PACS1: variants seen among roughly 807,000 people sequenced by gnomAD.
PACS1 encodes PACS-1.
Under a neutral mutation model 115.0 loss-of-function variants are expected in PACS1, and 24 were observed. The ratio of observed to expected loss-of-function variants is 0.21; its 90% confidence interval spans 0.15 to 0.29. The LOEUF is 0.29. Ranked by LOEUF, PACS1 falls within the 10% of genes least tolerant of loss-of-function variation. The pLI, the probability that PACS1 is intolerant of heterozygous loss-of-function variation, is 1.00. For synonymous variants in PACS1, 453 were observed against 504.5 expected (o/e 0.90, Z 1.37); for missense variants, 838 against 1,251.2 (o/e 0.67, Z 4.98).
intron 2 of PACS1, among the ~76,000 whole-genome samples, chr11:66,197,150 C>T (rs1854668982): frequency 6.6e-6 from 1 of 152,070 alleles, no homozygotes; most frequent in African/African-American, 2.4e-5. Flanking sequence ...GGGTTTTTAA[C>T]TTTCTATTTT....
chr11:66,111,888 C>T (rs533684885), intron 1 of PACS1, among the ~76,000 whole-genome samples: 7 of 152,216 alleles, frequency 4.6e-5, no homozygotes, highest in African/African-American at 1.4e-4. Context: ...TCAAGTGATC[C>T]GCCTGCCTTG....
intron 1 of PACS1, among the ~76,000 whole-genome samples, chr11:66,128,226 G>A (rs922536484): frequency 1.1e-4 from 16 of 152,042 alleles, no homozygotes; most frequent in African/African-American, 3.9e-4. Context: ...GGTATTAATG[G>A]TATTAAGAAG....
intron 1 of PACS1, among the ~76,000 whole-genome samples, chr11:66,096,794 G>A (rs1213994341): frequency 2.0e-5 from 3 of 151,348 alleles, no homozygotes; most frequent in Admixed American, 6.6e-5. Flanking sequence ...TGAGCACCGC[G>A]CCCAGCCGCT....
At chr11:66,182,467 TG>T (rs1252855853) in intron 1 of PACS1, among the ~76,000 whole-genome samples, 1 of 151,946 alleles carries the variant, frequency 6.6e-6, no homozygotes, top group Non-Finnish European at 1.5e-5. Flanking sequence ...TTAGTTGCTT[TG>T]CTTTTTTTTT....
At chr11:66,224,828 C>T (rs564806544) in intron 10 of PACS1, among the ~76,000 whole-genome samples, 5 of 152,306 alleles carry the variant, frequency 3.3e-5, no homozygotes, top group East Asian at 1.9e-4. Flanking sequence ...CAGGTGTGCA[C>T]GCACCACCTC....
chr11:66,190,989 G>A (rs1281997390), intron 1 of PACS1, among the ~76,000 whole-genome samples: 1 of 152,212 alleles, frequency 6.6e-6, no homozygotes, highest in African/African-American at 2.4e-5. Context: ...GCTGTGACGA[G>A]TGGCCACAAA....
intron 1 of PACS1, among the ~76,000 whole-genome samples, chr11:66,177,181 C>T (rs1300855349): frequency 6.6e-6 from 1 of 152,144 alleles, no homozygotes; most frequent in Non-Finnish European, 1.5e-5. Context: ...AAAATACTTT[C>T]AGAAATGTTC....
At chr11:66,211,913 C>T (rs1172082221) in intron 4 of PACS1, among the ~76,000 whole-genome samples, 1 of 152,062 alleles carries the variant, frequency 6.6e-6, no homozygotes, top group Non-Finnish European at 1.5e-5. Flanking sequence ...CCTCGGTTTT[C>T]CTTACCTTTC....
Position 66,232,987 on chromosome 11 carries a change from C to T in PACS1, c.1759C>T (p.Arg587Trp), listed in dbSNP as rs1200328009. Residue 587 changes from arginine to tryptophan, a missense_variant, in exon 15 of 24, where the codon CGG becomes TGG. Arg to Trp is a moderately radical substitution (Grantham distance 101, BLOSUM62 -3). Transcript: ENST00000320580. ...TGTGGCTGAGCTGCTCCAGGACCAG[C>T]GGAAGCCTGTGGTGTGCACCTGCTC... ...QYVAELLQDQ[R>W]KPVVCTCSTV... 6.8e-6 allele frequency: 11 copies of T among 1,612,920 alleles called. No individual in the cohort carries two copies. The highest frequency in any genetic ancestry group is 1.1e-5 in the South Asian group (1 of 91,066).
chr11:66,133,114 A>G (rs991801842), intron 1 of PACS1, among the ~76,000 whole-genome samples: 2 of 152,204 alleles, frequency 1.3e-5, no homozygotes, highest in South Asian at 2.1e-4. Context: ...TGTGCAATCT[A>G]TCAGCAAGTT....
At position 66,233,641 on chromosome 11, in the gene PACS1, G is replaced by A. The variant is rs751451805; in HGVS notation, c.1839-144G>A. ...GTGAAAGCACTGTGGCTTATTCCCT[G>A]TATGATCCTCTCTGTTTTATTTTGT... is the stretch of plus-strand genomic sequence containing the variant. On this transcript the variant is annotated intron_variant, in intron 15 of 23. Transcript: ENST00000320580. This position sits in a 1 kb window ranked among gnomAD's most constrained non-coding sequence, Gnocchi z 4.5. 1.2e-5 allele frequency: 9 copies of A among 744,666 alleles called. 1 individual carries two copies. The highest frequency in any genetic ancestry group is 1.9e-5 in the Non-Finnish European group (9 of 468,124). The allele number at this position is 744,666 out of a possible 1,614,324, so 46.1% of individuals were successfully genotyped here.
chr11:66,088,056 T>A (rs1385424908), intron 1 of PACS1, among the ~76,000 whole-genome samples: 1 of 152,200 alleles, frequency 6.6e-6, no homozygotes, highest in Non-Finnish European at 1.5e-5. Context: ...CTGTTCAGGT[T>A]GATTGCACAT....
In PACS1 at chr11:66,210,380, C is replaced by T. The variant is rs538219005; in HGVS notation, c.463C>T (p.Arg155Cys). ...VKLQGSKRIL[R>C]SNEIVLPASG... ...GTTTCAGGGTTCAAAAAGAATTCTT[C>T]GCTCCAACGAGATCGTCCTTCCAGC... Residue 155 changes from arginine to cysteine, a missense_variant, in exon 3 of 24, where the codon CGC becomes TGC. By Grantham distance (180) the Arg-to-Cys change is radical. Around this residue, in one of 6 missense-constraint regions of PACS1, gnomAD observed 223 missense variants for 354.0 expected, o/e 0.63. Transcript: ENST00000320580. 1.9e-6 allele frequency: 3 copies of T among 1,613,826 alleles called. No individual in the cohort carries two copies. The highest frequency in any genetic ancestry group is 1.1e-5 in the South Asian group (1 of 91,078).
At chr11:66,182,119 C>T (rs1476443077) in intron 1 of PACS1, among the ~76,000 whole-genome samples, 1 of 152,128 alleles carries the variant, frequency 6.6e-6, no homozygotes, top group African/African-American at 2.4e-5. Flanking sequence ...AAGTCCACAC[C>T]CTACCTCTGA....
intron 1 of PACS1, among the ~76,000 whole-genome samples, chr11:66,104,684 G>A (rs957856201): frequency 2.6e-5 from 4 of 152,198 alleles, no homozygotes; most frequent in African/African-American, 9.6e-5. Flanking sequence ...ATATGGATTA[G>A]AAACAGCCAT....
intron 1 of PACS1, among the ~76,000 whole-genome samples, chr11:66,140,374 C>T (rs978065644): frequency 2.0e-5 from 3 of 152,110 alleles, no homozygotes; most frequent in Non-Finnish European, 2.9e-5. Flanking sequence ...GATTTTACTT[C>T]AGCAGACAGG....
chr11:66,078,146 C>T (rs952016672), intron 1 of PACS1, among the ~76,000 whole-genome samples: 5 of 152,210 alleles, frequency 3.3e-5, no homozygotes, highest in Non-Finnish European at 5.9e-5. Flanking sequence ...TCAACCTGGG[C>T]TCCCTTCATC....
At chr11:66,187,766 A>G (rs767080599) in intron 1 of PACS1, among the ~76,000 whole-genome samples, 20 of 152,130 alleles carry the variant, frequency 1.3e-4, no homozygotes, top group Non-Finnish European at 2.4e-4. Flanking sequence ...CTCGGTAAAC[A>G]TGGGGGTCTG....
At chr11:66,093,047 G>A (rs1565103232) in intron 1 of PACS1, among the ~76,000 whole-genome samples, 1 of 152,018 alleles carries the variant, frequency 6.6e-6, no homozygotes, top group Non-Finnish European at 1.5e-5. Context: ...TTCCAATTCT[G>A]TGAAGAAAGT....
Sources: gnomAD v4.1 joint callset for allele counts (sites outside exome capture counted in the v4.1 genomes callset) on GRCh38, gnomAD v4.1.1 for gene constraint, gnomAD v4.1.1 regional missense constraint, Gnocchi (gnomAD v3.1) non-coding constraint, MANE v1.5 for transcripts, NCBI Gene and HGNC (gene_info 2026-07-23, HGNC 2026-07-21) for gene names.